The following LINGO2 variants were observed in gnomAD, a reference collection of about 807,000 sequenced individuals.
The protein encoded by LINGO2 is leucine-rich repeat and immunoglobulin-like domain-containing nogo receptor-interacting protein 2.
In LINGO2, 14 loss-of-function variants were observed where a neutral mutation model predicts 30.6. That is an observed-to-expected ratio of 0.46 (90% CI 0.30 to 0.72). The LOEUF is 0.72. LINGO2 is among the 30% of genes least tolerant of loss of function. The pLI, the probability that LINGO2 is intolerant of heterozygous loss-of-function variation, is 0.07. For missense variants in LINGO2, 729 were observed against 751.7 expected (o/e 0.97, Z 0.35); for synonymous variants, 317 against 288.5 (o/e 1.10, Z -1.00).
the LINGO2 span, among the ~76,000 whole-genome samples, chr9:28,710,039 C>A: frequency 2.0e-5 from 3 of 150,684 alleles, no homozygotes; most frequent in African/African-American, 7.3e-5. Context: ...ATATACATCT[C>A]GGATGCCATG....
chr9:27,982,909 C>T (rs1401291859), intron 5 of LINGO2, among the ~76,000 whole-genome samples: 2 of 151,612 alleles, frequency 1.3e-5, no homozygotes, highest in East Asian at 1.9e-4. Flanking sequence ...CATACACTTA[C>T]GAACTGTAAA....
the LINGO2 span, among the ~76,000 whole-genome samples, chr9:29,113,992 CT>C: frequency 6.6e-6 from 1 of 151,202 alleles, no homozygotes; most frequent in Non-Finnish European, 1.5e-5. Flanking sequence ...GAAAGGAATT[CT>C]TTTCCACAAC....
chr9:27,982,700 C>T lies in LINGO2; in HGVS notation c.-36+29655G>A, dbSNP rs536114101. ...TAAAGAGGTTCTTCTCTGAACTACC[C>T]TATGCTGGTTTAAGATTTGTGCTGA... On this transcript the variant is annotated intron_variant, in intron 5 of 5. Transcript: ENST00000379992. Among the ~76,000 whole-genome samples, 4 of 151,882 alleles carry T rather than the reference C, an allele frequency of 2.6e-5. No individual in the cohort carries two copies. In the South Asian group the frequency reaches 8.3e-4, roughly 32 times the overall value.
the LINGO2 span, among the ~76,000 whole-genome samples, chr9:28,983,533 T>C: frequency 6.6e-6 from 1 of 151,902 alleles, no homozygotes; most frequent in Non-Finnish European, 1.5e-5. Flanking sequence ...CATAGTCAAA[T>C]ATTTGTATAA....
At chr9:29,104,332 T>C in the LINGO2 span, among the ~76,000 whole-genome samples, 7 of 152,036 alleles carry the variant, frequency 4.6e-5, no homozygotes, top group African/African-American at 1.4e-4. Context: ...GATCTCCTTG[T>C]TTAAAAGTGT....
chr9:28,612,632 G>A (rs1341604888), intron 1 of LINGO2, among the ~76,000 whole-genome samples: 1 of 152,114 alleles, frequency 6.6e-6, no homozygotes, highest in African/African-American at 2.4e-5. Context: ...GTGTATTTAT[G>A]CAATGCCTTT....
chr9:28,654,282 T>C (rs1011890459), intron 1 of LINGO2, among the ~76,000 whole-genome samples: 1 of 152,124 alleles, frequency 6.6e-6, no homozygotes, highest in Admixed American at 6.6e-5. Context: ...CCTAAAGCCC[T>C]TTTATGTACT....
chr9:28,979,705 T>TA, the LINGO2 span, among the ~76,000 whole-genome samples: 1 of 151,954 alleles, frequency 6.6e-6, no homozygotes, highest in African/African-American at 2.4e-5. Flanking sequence ...TGCTACAAAG[T>TA]AAAAAAAGAA....
intron 3 of LINGO2, among the ~76,000 whole-genome samples, chr9:28,359,882 C>T (rs1820372713): frequency 6.6e-6 from 1 of 152,112 alleles, no homozygotes; most frequent in South Asian, 2.1e-4. Flanking sequence ...TCCATAAGCA[C>T]CAGTTTACCC....
At chr9:29,140,533 T>C in the LINGO2 span, among the ~76,000 whole-genome samples, 2 of 151,646 alleles carry the variant, frequency 1.3e-5, no homozygotes, top group South Asian at 2.1e-4. Context: ...AAGGAACATA[T>C]GAAAAATCAT....
intron 1 of LINGO2, among the ~76,000 whole-genome samples, chr9:28,516,778 G>A (rs1402479849): frequency 6.6e-6 from 1 of 152,158 alleles, no homozygotes; most frequent in Non-Finnish European, 1.5e-5. Flanking sequence ...CTCTCAGGTT[G>A]AAATATCTTC....
At chr9:28,670,504 T>C (rs1050762352), upstream of LINGO2, among the ~76,000 whole-genome samples, 5 of 152,162 alleles carry the variant, frequency 3.3e-5, no homozygotes, top group Admixed American at 6.6e-5. Flanking sequence ...GATTATGACA[T>C]ACTGCAAAAC....
chr9:28,829,761 A>T, the LINGO2 span, among the ~76,000 whole-genome samples: 1 of 152,094 alleles, frequency 6.6e-6, no homozygotes, highest in African/African-American at 2.4e-5. Flanking sequence ...GTGGTGGCAG[A>T]CACCTGTAAT....
chr9:28,672,035 G>A (rs1277510464), upstream of LINGO2, among the ~76,000 whole-genome samples: 2 of 152,002 alleles, frequency 1.3e-5, no homozygotes, highest in Non-Finnish European at 2.9e-5. Context: ...AACTCACTTT[G>A]AGGAGAAGAT....
At chr9:29,186,938 G>A in the LINGO2 span, among the ~76,000 whole-genome samples, 1 of 152,094 alleles carries the variant, frequency 6.6e-6, no homozygotes, top group Non-Finnish European at 1.5e-5. Flanking sequence ...TAAAATTGTA[G>A]CTTACAATTT....
chr9:28,189,697 GAGGGAGGAAGGA>G (rs1819740450), intron 4 of LINGO2, among the ~76,000 whole-genome samples: 1 of 24,072 alleles, frequency 4.2e-5, no homozygotes, highest in Non-Finnish European at 1.1e-4. Flanking sequence ...GGAAGGAAGG[GAGGGAGGAAGGA>G]AGGAAGGAAG....
Position 28,055,645 on chromosome 9 carries a change from T to C in LINGO2, c.-86-43240A>G, listed in dbSNP as rs142469760. 2.4e-4 allele frequency among the ~76,000 whole-genome samples: 37 copies of C among 151,598 alleles called. 1 individual carries two copies. In the East Asian group the frequency reaches 7.0e-3, roughly 28 times the overall value. On this transcript the variant is annotated intron_variant, in intron 4 of 5. Transcript: ENST00000379992. ...TTACATAAAAACGGCGTCTTGCTATTAAGTTTGTTAGGTTTGCTAGATTGT... is the reference window on the plus strand; with the variant it reads ...TTACATAAAAACGGCGTCTTGCTATCAAGTTTGTTAGGTTTGCTAGATTGT...
the LINGO2 span, among the ~76,000 whole-genome samples, chr9:28,890,066 G>A: frequency 6.6e-6 from 1 of 152,030 alleles, no homozygotes; most frequent in East Asian, 1.9e-4. Context: ...GTACAGAATA[G>A]CATATAGATC....
At chr9:28,986,183 T>A in the LINGO2 span, among the ~76,000 whole-genome samples, 1 of 152,098 alleles carries the variant, frequency 6.6e-6, no homozygotes, top group African/African-American at 2.4e-5. Context: ...CTTGGTTCAT[T>A]TCTGAGCTCT....
Sources: gnomAD v4.1 joint callset for allele counts (sites outside exome capture counted in the v4.1 genomes callset) on GRCh38, gnomAD v4.1.1 for gene constraint, MANE v1.5 for transcripts, NCBI Gene and HGNC (gene_info 2026-07-23, HGNC 2026-07-21) for gene names.